The following MLLT1 variants were observed in gnomAD, a reference collection of about 807,000 sequenced individuals.
MLLT1 encodes the protein MLLT1 super elongation complex subunit, also known as protein ENL.
A neutral mutation model predicts 55.1 loss-of-function variants in MLLT1; 11 were observed. The observed-to-expected ratio is 0.20, with a 90% CI of 0.13 to 0.33. MLLT1 has a LOEUF of 0.33. Among genes scored for constraint, MLLT1 ranks in the 10% least tolerant of loss-of-function variants. MLLT1 has a pLI of 1.00. For missense variants in MLLT1, 536 were observed against 760.6 expected (o/e 0.70, Z 3.47); for synonymous variants, 323 against 320.1 (o/e 1.01, Z -0.10).
At chr19:6,241,309 C>A (rs2091110966) in intron 3 of MLLT1, among the ~76,000 whole-genome samples, 1 of 152,242 alleles carries the variant, frequency 6.6e-6, no homozygotes, top group South Asian at 2.1e-4. Context: ...GAGGCAGGGT[C>A]CATTCAGGGC....
chr19:6,215,674 T>C (rs2090835407), intron 8 of MLLT1, among the ~76,000 whole-genome samples: 1 of 152,204 alleles, frequency 6.6e-6, no homozygotes, highest in Non-Finnish European at 1.5e-5. Context: ...TAACCAGCCC[T>C]GTCTCCAGTA....
At position 6,212,106 on chromosome 19, in the gene MLLT1, G is replaced by A. The variant is rs1600164812; in HGVS notation, c.*936C>T. On this transcript the variant is annotated 3_prime_UTR_variant, in exon 12 of 12. Transcript: ENST00000252674. ...AAGACTTGAATGAAAGAGAGGAAGA[G>A]GAGCCTATGGGAGGAGGCCGAGCCC... 1 of 1,066,394 alleles carries A rather than the reference G, an allele frequency of 9.4e-7. No individual in the cohort carries two copies. The highest frequency in any genetic ancestry group is 1.1e-6 in the Non-Finnish European group (1 of 879,672). The allele number at this position is 1,066,394 out of a possible 1,614,324, so 66.1% of individuals were successfully genotyped here. A position where few individuals can be genotyped will look rare whatever the true frequency, so the allele number is the denominator to read the frequency against.
rs765220337 is a variant in MLLT1 at position 6,227,396 on chromosome 19, C to G, written c.421-294G>C. 3.0e-4 allele frequency among the ~76,000 whole-genome samples: 46 copies of G among 152,204 alleles called. No individual in the cohort carries two copies. Among genetic ancestry groups the G allele is most frequent in the Non-Finnish European group, 5.4e-4 (37 of 68,032 alleles). The stretch of plus-strand genomic sequence containing the variant: ...CGGAGGGCTGGCCCAAGAAGACTTG[C>G]GGAGCACACTGAGAATCATGAGAAG... On this transcript the variant is annotated intron_variant, in intron 4 of 11. Coordinates refer to ENST00000252674, the MANE Select transcript of MLLT1 (RefSeq NM_005934.4). The surrounding 1 kb of genome is among the most constrained non-coding windows in gnomAD (Gnocchi z 5.1).
chr19:6,253,896 T>C (rs2091238397), intron 3 of MLLT1, among the ~76,000 whole-genome samples: 1 of 152,230 alleles, frequency 6.6e-6, no homozygotes, highest in African/African-American at 2.4e-5. Context: ...GCTAAAACAC[T>C]TTCTGAGAGA....
In MLLT1 at chr19:6,226,921, C is replaced by T. The variant is rs1238582384; in HGVS notation, c.546+56G>A. 8 of 1,467,810 alleles carry T rather than the reference C, an allele frequency of 5.5e-6. No individual in the cohort carries two copies. The highest frequency in any genetic ancestry group is 6.3e-6 in the Non-Finnish European group (7 of 1,110,338). The allele number at this position is 1,467,810 out of a possible 1,614,324, so 90.9% of individuals were successfully genotyped here. On this transcript the variant is annotated intron_variant, in intron 5 of 11. Transcript: ENST00000252674. The surrounding 1 kb of genome is among the most constrained non-coding windows in gnomAD (Gnocchi z 6.3). ...GTGGAGGGAGGGCGCCGGGGCCAGA[C>T]CCACCACAGCTGGGCCCCGGCGCTC... is the stretch of plus-strand genomic sequence containing the variant.
intron 3 of MLLT1, among the ~76,000 whole-genome samples, chr19:6,243,171 C>A (rs1052350180): frequency 6.6e-6 from 1 of 152,168 alleles, no homozygotes; most frequent in Non-Finnish European, 1.5e-5. Context: ...GGTCACCAAG[C>A]GGTAAAGCTG....
intron 3 of MLLT1, among the ~76,000 whole-genome samples, chr19:6,242,620 TC>T (rs1368621557): frequency 2.0e-5 from 3 of 152,188 alleles, no homozygotes; most frequent in African/African-American, 7.2e-5. Context: ...ATGTGCTTTC[TC>T]TCCTGCTCTC....
intron 3 of MLLT1, among the ~76,000 whole-genome samples, chr19:6,247,615 A>G (rs2091180693): frequency 6.6e-6 from 1 of 152,194 alleles, no homozygotes; most frequent in South Asian, 2.1e-4. Context: ...GGAAGGAGGA[A>G]ATTAAAACTA....
In MLLT1 at chr19:6,222,044, C is replaced by T. The variant is rs1432321728; in HGVS notation, c.1110+77G>A. On this transcript the variant is annotated intron_variant, in intron 6 of 11. Coordinates refer to ENST00000252674, the MANE Select transcript of MLLT1 (RefSeq NM_005934.4). The surrounding 1 kb of genome is among the most constrained non-coding windows in gnomAD (Gnocchi z 4.1). ...GAGGTCCTGGCTCAGATCCCACCTC[C>T]TTCCGCTGTTCCAGAAGGGAGGCGG... 3.6e-5 allele frequency: 47 copies of T among 1,288,430 alleles called. No homozygotes were observed. The highest frequency in any genetic ancestry group is 4.8e-5 in the Non-Finnish European group (47 of 975,842). 79.8% of individuals were successfully genotyped at this position (1,288,430 alleles called of 1,614,324 possible). A position where few individuals can be genotyped will look rare whatever the true frequency, so the allele number is the denominator to read the frequency against.
In MLLT1 at chr19:6,211,883, T is replaced by C; in HGVS notation, c.*1159A>G. On this transcript the variant is annotated 3_prime_UTR_variant, in exon 12 of 12. Coordinates refer to ENST00000252674, the MANE Select transcript of MLLT1 (RefSeq NM_005934.4). This position sits in a 1 kb window ranked among gnomAD's most constrained non-coding sequence, Gnocchi z 4.6. The stretch of plus-strand genomic sequence containing the variant: ...CTGCGGGCGCGGCACCAGCATGAAT[T>C]GCGGCGGTGGAGGCCGGGGCGGGCC... 1 of 1,064,396 alleles carries C rather than the reference T, an allele frequency of 9.4e-7. No homozygotes were observed. Among genetic ancestry groups the C allele is most frequent in the Non-Finnish European group, 1.1e-6 (1 of 878,528 alleles). 65.9% of individuals were successfully genotyped at this position (1,064,396 alleles called of 1,614,324 possible). A position where few individuals can be genotyped will look rare whatever the true frequency, so the allele number is the denominator to read the frequency against.
chr19:6,214,248 A>G (rs563061695), intron 8 of MLLT1, among the ~76,000 whole-genome samples: 8 of 152,290 alleles, frequency 5.3e-5, no homozygotes, highest in African/African-American at 1.9e-4. Context: ...GGCCACCCAG[A>G]GGCCCTTTGG....
chr19:6,251,924 C>T (rs147994945), intron 3 of MLLT1, among the ~76,000 whole-genome samples: 2 of 152,218 alleles, frequency 1.3e-5, no homozygotes, highest in African/African-American at 4.8e-5. Context: ...CACTGCACTC[C>T]AGTCTAGGTG....
chr19:6,239,150 G>C (rs2091091099), intron 3 of MLLT1, among the ~76,000 whole-genome samples: 1 of 152,248 alleles, frequency 6.6e-6, no homozygotes, highest in African/African-American at 2.4e-5. Context: ...GGACACAGCT[G>C]TAAGGCACTA....
At chr19:6,278,121 G>A (rs1392263810) in intron 1 of MLLT1, among the ~76,000 whole-genome samples, 3 of 152,140 alleles carry the variant, frequency 2.0e-5, no homozygotes, top group African/African-American at 4.8e-5. Context: ...CTTCAGTGGC[G>A]CCAGCAGCCA....
At chr19:6,213,695 C>G in intron 10 of MLLT1, 31 bp downstream of exon 10, 5 of 1,086,788 alleles carry the variant, frequency 4.6e-6, no homozygotes, top group Admixed American at 2.0e-5. Flanking sequence ...CCCTCCGTAG[C>G]CTCCCCGCCT....
In MLLT1 at chr19:6,211,694, G is replaced by A. The variant is rs1045826381; in HGVS notation, c.*1348C>T. 112 of 1,064,422 alleles carry A rather than the reference G, an allele frequency of 1.1e-4. No homozygotes were observed. The highest frequency in any genetic ancestry group is 1.1e-4 in the Admixed American group (2 of 18,712). The allele number at this position is 1,064,422 out of a possible 1,614,324, so 65.9% of individuals were successfully genotyped here. A position where few individuals can be genotyped will look rare whatever the true frequency, so the allele number is the denominator to read the frequency against. On this transcript the variant is annotated 3_prime_UTR_variant, in exon 12 of 12. Transcript: ENST00000252674. This position sits in a 1 kb window ranked among gnomAD's most constrained non-coding sequence, Gnocchi z 4.6. Reference sequence around the variant, plus strand: ...GGGTTGAGAGGACTGGAGGCGCCTCGAGTCAATGTCTGGGAAACAGAGGCT... The same window carrying A: ...GGGTTGAGAGGACTGGAGGCGCCTCAAGTCAATGTCTGGGAAACAGAGGCT...
At chr19:6,224,565 A>G (rs1402738377) in intron 5 of MLLT1, among the ~76,000 whole-genome samples, 1 of 151,958 alleles carries the variant, frequency 6.6e-6, no homozygotes, top group Admixed American at 6.6e-5. Context: ...AAGGCACGTC[A>G]GAGGCCCCTA....
At chr19:6,217,902 T>A in intron 7 of MLLT1, 52 bp downstream of exon 7, 1 of 1,553,740 alleles carries the variant, frequency 6.4e-7, no homozygotes, top group Non-Finnish European at 8.7e-7. Flanking sequence ...TGGCCTGAGC[T>A]CCAGGCCCTC....
At chr19:6,277,112 T>C in intron 1 of MLLT1, among the ~76,000 whole-genome samples, 1 of 152,234 alleles carries the variant, frequency 6.6e-6, no homozygotes, top group Non-Finnish European at 1.5e-5. Context: ...ATTTTCCCTG[T>C]GCCAAGAGTC....
Sources: allele counts gnomAD v4.1 joint callset (sites outside exome capture counted in the v4.1 genomes callset), GRCh38; gene constraint gnomAD v4.1.1; non-coding constraint Gnocchi (gnomAD v3.1); transcripts MANE v1.5; gene names NCBI Gene and HGNC (gene_info 2026-07-23, HGNC 2026-07-21).